ZC3H18: variants seen among roughly 807,000 people sequenced by gnomAD.
ZC3H18 encodes zinc finger CCCH domain-containing protein 18.
In ZC3H18, 8 loss-of-function variants were observed where a neutral mutation model predicts 106.1. That is an observed-to-expected ratio of 0.08 (90% CI 0.04 to 0.14). ZC3H18 has a LOEUF of 0.14. Among genes scored for constraint, ZC3H18 ranks in the 10% least tolerant of loss-of-function variants. The pLI, the probability that ZC3H18 is intolerant of heterozygous loss-of-function variation, is 1.00. For synonymous variants in ZC3H18, 635 were observed against 522.1 expected (o/e 1.22, Z -2.95); for missense variants, 1,318 against 1,278.4 (o/e 1.03, Z -0.47).
intron 5 of ZC3H18, 90 bp from the exon 6 acceptor site, chr16:88,599,701 G>A (rs142158110): frequency 1.4e-6 from 2 of 1,460,808 alleles, no homozygotes; most frequent in Non-Finnish European, 1.8e-6. Flanking sequence ...CAGGGCTGCT[G>A]CGGTCGGGTG....
chr16:88,612,901 G>A (rs1393009414), intron 8 of ZC3H18, among the ~76,000 whole-genome samples: 2 of 152,106 alleles, frequency 1.3e-5, no homozygotes, highest in Non-Finnish European at 1.5e-5. Context: ...TACTCGGGAG[G>A]CTAATACGGG....
At position 88,592,620 on chromosome 16, in the gene ZC3H18, G is replaced by A. The variant is rs181473508; in HGVS notation, c.689-5558G>A. The stretch of plus-strand genomic sequence containing the variant: ...CTCCCGAGTAGCTGAGATTACAGGC[G>A]CATGCCACCATGCCTGGCTAATTTT... On this transcript the variant is annotated intron_variant, in intron 3 of 17. Coordinates refer to ENST00000301011, the MANE Select transcript of ZC3H18 (RefSeq NM_144604.4). 2.5e-3 allele frequency among the ~76,000 whole-genome samples: 382 copies of A among 152,158 alleles called. 1 individual carries two copies. Among genetic ancestry groups the A allele is most frequent in the African/African-American group, 8.8e-3 (365 of 41,500 alleles).
chr16:88,586,614 A>G lies in ZC3H18; in HGVS notation c.618A>G (p.Glu206=), dbSNP rs1410309957. Residue 206 remains glutamate (E), a synonymous_variant, in exon 3 of 18, where the codon GAA becomes GAG. Transcript: ENST00000301011. Reference sequence around the variant, plus strand: ...CTCTGTTTCAGGATGATGACCTGGAAGAAGGTGAAGTGAAGGACCCCAGTG... The same window carrying G: ...CTCTGTTTCAGGATGATGACCTGGAGGAAGGTGAAGTGAAGGACCCCAGTG... ...DDGEIDDDDL[E]EGEVKDPSDR... 1.9e-6 allele frequency: 3 copies of G among 1,614,052 alleles called. No individual in the cohort carries two copies. The highest frequency in any genetic ancestry group is 2.5e-6 in the Non-Finnish European group (3 of 1,180,014).
intron 3 of ZC3H18, among the ~76,000 whole-genome samples, chr16:88,590,112 A>G (rs1915656716): frequency 6.6e-6 from 1 of 152,088 alleles, no homozygotes; most frequent in Non-Finnish European, 1.5e-5. Flanking sequence ...GCAAGAGCTC[A>G]TCTTTCTTTT....
At chr16:88,614,337 G>T (rs1211522333) in intron 8 of ZC3H18, among the ~76,000 whole-genome samples, 2 of 152,238 alleles carry the variant, frequency 1.3e-5, no homozygotes, top group Non-Finnish European at 2.9e-5. Context: ...TCCACCACGG[G>T]ACAAAAACAA....
At chr16:88,590,033 A>G (rs1915650445) in intron 3 of ZC3H18, among the ~76,000 whole-genome samples, 1 of 152,248 alleles carries the variant, frequency 6.6e-6, no homozygotes, top group Non-Finnish European at 1.5e-5. Context: ...CTGGAATCCT[A>G]GCACTTTGGG....
chr16:88,578,343 G>C (rs1020347374), intron 2 of ZC3H18, among the ~76,000 whole-genome samples: 2 of 152,192 alleles, frequency 1.3e-5, no homozygotes, highest in Non-Finnish European at 2.9e-5. Context: ...TTCAGGTTGA[G>C]GGGAAGGTAG....
intron 3 of ZC3H18, among the ~76,000 whole-genome samples, chr16:88,586,955 C>T (rs914375243): frequency 3.9e-5 from 6 of 152,202 alleles, no homozygotes; most frequent in Non-Finnish European, 5.9e-5. Context: ...CAGGCCCTTC[C>T]GATCGCAGCA....
At chr16:88,597,501 A>G (rs1904501155) in intron 3 of ZC3H18, among the ~76,000 whole-genome samples, 1 of 152,238 alleles carries the variant, frequency 6.6e-6, no homozygotes, top group Non-Finnish European at 1.5e-5. Flanking sequence ...GTACATTTTA[A>G]AAAAGTGATT....
At chr16:88,600,074 A>G in intron 6 of ZC3H18, 126 bp downstream of exon 6, 1 of 1,243,020 alleles carries the variant, frequency 8.0e-7, no homozygotes. Context: ...CTGGAGTCTC[A>G]GTGACGTTCC....
intron 15 of ZC3H18, chr16:88,628,549 C>G (rs1329857030): frequency 2.2e-5 from 13 of 588,258 alleles, no homozygotes; most frequent in Non-Finnish European, 3.3e-5. Context: ...GGTGCTTCCC[C>G]TGGAACGTGA....
intron 3 of ZC3H18, among the ~76,000 whole-genome samples, chr16:88,595,331 G>T (rs1904372557): frequency 6.6e-6 from 1 of 152,162 alleles, no homozygotes; most frequent in Admixed American, 6.5e-5. Context: ...TCTGGCCTGA[G>T]GCCATGTCTG....
chr16:88,587,719 G>A, intron 3 of ZC3H18: 1 of 1,155,290 alleles, frequency 8.7e-7, no homozygotes, highest in East Asian at 2.6e-5. Flanking sequence ...AAGCCAGAAG[G>A]AAAGGGGGTC....
intron 1 of ZC3H18, chr16:88,571,536 TA>T: frequency 1.3e-6 from 1 of 767,790 alleles, no homozygotes; most frequent in Non-Finnish European, 1.6e-6. Flanking sequence ...TTTTACTATC[TA>T]AGGGCAGTAT....
chr16:88,621,770 C>T (rs1028143910), intron 8 of ZC3H18, among the ~76,000 whole-genome samples: 1 of 152,224 alleles, frequency 6.6e-6, no homozygotes, highest in African/African-American at 2.4e-5. Flanking sequence ...GGATTGCAGG[C>T]GTGTGCCACC....
At chr16:88,619,108 T>C (rs80187700) in intron 8 of ZC3H18, among the ~76,000 whole-genome samples, 1,767 of 152,228 alleles carry the variant, frequency 0.012, 37 homozygotes, top group African/African-American at 0.041. Flanking sequence ...GTGCTCAGCC[T>C]TGCTTTCTGC....
chr16:88,622,057 C>G (rs895610044), intron 8 of ZC3H18, 140 bp from the exon 9 acceptor site: 6 of 1,021,838 alleles, frequency 5.9e-6, no homozygotes, highest in Admixed American at 3.2e-5. Context: ...GGCCTTTTTT[C>G]CCCTTAGGAC....
chr16:88,596,468 C>T (rs958470255), intron 3 of ZC3H18, among the ~76,000 whole-genome samples: 4 of 151,752 alleles, frequency 2.6e-5, no homozygotes, highest in African/African-American at 9.7e-5. Flanking sequence ...GGTGAAGTCC[C>T]GTCTCTACTA....
In ZC3H18 at chr16:88,598,487, G is replaced by A. The variant is rs577049274; in HGVS notation, c.838-133G>A. On this transcript the variant is annotated intron_variant, in intron 4 of 17. Transcript: ENST00000301011. ...AAGCAGGCCTCGGCTTTCCGAGGAC[G>A]GAGTGAGGCTTGGTGGAAGGAGAGC... 21 of 1,444,258 alleles carry A rather than the reference G, an allele frequency of 1.5e-5. No homozygotes were observed. The East Asian group carries it at 2.3e-4, about 16-fold the overall frequency. The allele number at this position is 1,444,258 out of a possible 1,614,324, so 89.5% of individuals were successfully genotyped here.
Sources: allele counts gnomAD v4.1 joint callset (sites outside exome capture counted in the v4.1 genomes callset), GRCh38; gene constraint gnomAD v4.1.1; transcripts MANE v1.5; gene names NCBI Gene and HGNC (gene_info 2026-07-23, HGNC 2026-07-21).